SREBF2: variants seen among roughly 807,000 people sequenced by gnomAD.
SREBF2 encodes the protein sterol regulatory element-binding protein 2.
In SREBF2, 55 loss-of-function variants were observed where a neutral mutation model predicts 113.1. That is an observed-to-expected ratio of 0.49 (90% CI 0.39 to 0.61). The LOEUF is 0.61. SREBF2 is among the 20% of genes least tolerant of loss of function. SREBF2 has a pLI of 0.00. For synonymous variants in SREBF2, 593 were observed against 605.7 expected (o/e 0.98, Z 0.31); for missense variants, 1,349 against 1,487.4 (o/e 0.91, Z 1.53).
At chr22:41,890,368 C>T (rs1184044768) in intron 11 of SREBF2, among the ~76,000 whole-genome samples, 1 of 152,250 alleles carries the variant, frequency 6.6e-6, no homozygotes, top group Non-Finnish European at 1.5e-5. Flanking sequence ...TGATGTTGAG[C>T]ATCACTGTTT....
intron 5 of SREBF2, among the ~76,000 whole-genome samples, 185 bp from the exon 6 acceptor site, chr22:41,875,152 A>AG (rs2077183000): frequency 6.6e-6 from 1 of 152,180 alleles, no homozygotes; most frequent in African/African-American, 2.4e-5. Flanking sequence ...TGAGGAGGAA[A>AG]GTGAGGTTCT....
chr22:41,862,169 A>C (rs1602294824), intron 1 of SREBF2, among the ~76,000 whole-genome samples: 1 of 152,200 alleles, frequency 6.6e-6, no homozygotes, highest in Non-Finnish European at 1.5e-5. Flanking sequence ...TCTCAGGTAG[A>C]TGCTGAAGGC....
chr22:41,900,540 A>T, intron 16 of SREBF2, 42 bp downstream of exon 16: 1 of 1,599,446 alleles, frequency 6.3e-7, no homozygotes, highest in Non-Finnish European at 8.5e-7. Flanking sequence ...GGTGCTCTGC[A>T]CTGGTTTACG....
At chr22:41,887,213 C>T (rs1019216722) in intron 11 of SREBF2, among the ~76,000 whole-genome samples, 1 of 151,082 alleles carries the variant, frequency 6.6e-6, no homozygotes, top group Non-Finnish European at 1.5e-5. Flanking sequence ...AGTGAGACTC[C>T]GTCTCAAGAA....
intron 4 of SREBF2, among the ~76,000 whole-genome samples, chr22:41,872,577 A>C (rs1023139046): frequency 2.6e-5 from 4 of 152,210 alleles, no homozygotes; most frequent in Admixed American, 6.5e-5. Flanking sequence ...TTAGATATTG[A>C]GGCCATTATT....
At chr22:41,854,646 A>G (rs973973560) in intron 1 of SREBF2, among the ~76,000 whole-genome samples, 1 of 151,766 alleles carries the variant, frequency 6.6e-6, no homozygotes, top group Non-Finnish European at 1.5e-5. Flanking sequence ...AGGCGGGCAG[A>G]TCACTTGAGG....
intron 17 of SREBF2, chr22:41,904,480 C>A: frequency 2.2e-6 from 1 of 462,298 alleles, no homozygotes; most frequent in South Asian, 1.7e-5. Flanking sequence ...ACCAGCCCAA[C>A]TGTCCCTCCT....
intron 4 of SREBF2, among the ~76,000 whole-genome samples, chr22:41,871,534 C>T (rs532865352): frequency 1.8e-4 from 28 of 152,270 alleles, no homozygotes; most frequent in Non-Finnish European, 2.9e-4. Flanking sequence ...CTCAAATGTC[C>T]ATCCACAGGA....
Position 41,878,045 on chromosome 22 carries a change from G to A in SREBF2, c.1683G>A (p.Glu561=). The change falls in exon 9 of 19, where the codon GAG becomes GAA. Residue 561 remains glutamate (E), a synonymous_variant. Transcript: ENST00000361204. The part of the protein sequence containing the change: ...SVFVKLLVHG[E]PVIRPHSRSS... ...TTGTGAAGCTGCTGGTTCATGGGGAGCCAGTGATCCGGCCACACTCGCGCT... is the reference window on the plus strand; with the variant it reads ...TTGTGAAGCTGCTGGTTCATGGGGAACCAGTGATCCGGCCACACTCGCGCT... 1.3e-5 allele frequency: 21 copies of A among 1,614,198 alleles called. No individual in the cohort carries two copies. The highest frequency in any genetic ancestry group is 1.8e-5 in the Non-Finnish European group (21 of 1,180,050).
intron 11 of SREBF2, among the ~76,000 whole-genome samples, chr22:41,886,853 A>G (rs1260752803): frequency 6.6e-6 from 1 of 152,162 alleles, no homozygotes; most frequent in Non-Finnish European, 1.5e-5. Flanking sequence ...GACCAATATG[A>G]TGAAACCCTG....
chr22:41,857,081 A>AG (rs1326622953), intron 1 of SREBF2, among the ~76,000 whole-genome samples: 2 of 151,856 alleles, frequency 1.3e-5, no homozygotes, highest in East Asian at 1.9e-4. Flanking sequence ...AAAAAAAAAA[A>AG]AGAATTTGAT....
intron 2 of SREBF2, among the ~76,000 whole-genome samples, chr22:41,868,031 C>G (rs1403067831): frequency 6.6e-6 from 1 of 152,108 alleles, no homozygotes; most frequent in East Asian, 1.9e-4. Context: ...CATGCTGGGC[C>G]CTTAGTATGT....
At chr22:41,899,066 GA>G in intron 15 of SREBF2, 1 of 614,992 alleles carries the variant, frequency 1.6e-6, no homozygotes, top group Non-Finnish European at 2.5e-6. Context: ...GCCACAGGCT[GA>G]AAAGAAGAGA....
At chr22:41,854,752 C>G (rs1287625481) in intron 1 of SREBF2, among the ~76,000 whole-genome samples, 1 of 151,644 alleles carries the variant, frequency 6.6e-6, no homozygotes, top group Non-Finnish European at 1.5e-5. Context: ...GCCTGTAATG[C>G]CAGCTACTCA....
intron 10 of SREBF2, among the ~76,000 whole-genome samples, chr22:41,882,396 C>G (rs1042170019): frequency 6.6e-6 from 1 of 152,186 alleles, no homozygotes; most frequent in Admixed American, 6.5e-5. Context: ...GTGAGCTGGA[C>G]ATGCAGGATC....
intron 9 of SREBF2, 35 bp from the exon 10 acceptor site, chr22:41,880,681 G>A (rs745710855): frequency 2.5e-6 from 4 of 1,613,980 alleles, no homozygotes; most frequent in Non-Finnish European, 3.4e-6. Context: ...CCGGAGCAAG[G>A]CCAGTGACCA....
At chr22:41,883,105 A>C (rs997742125) in intron 10 of SREBF2, among the ~76,000 whole-genome samples, 1 of 152,108 alleles carries the variant, frequency 6.6e-6, no homozygotes, top group Non-Finnish European at 1.5e-5. Context: ...CAGATAGAGG[A>C]TGGGGAGTCA....
Position 41,900,311 on chromosome 22 carries a change from C to T in SREBF2, c.2739-19C>T, listed in dbSNP as rs2077454380. On this transcript the variant is annotated intron_variant, in intron 15 of 18. Transcript: ENST00000361204. ...TGACACATAGTGACCTGCCTCTCGA[C>T]TCCCTGTCACTGCTGCAGGAGCCCC... 1.2e-6 allele frequency: 2 copies of T among 1,610,624 alleles called. No homozygotes were observed. The highest frequency in any genetic ancestry group is 1.7e-6 in the Non-Finnish European group (2 of 1,179,980).
At position 41,870,909 on chromosome 22, in the gene SREBF2, C is replaced by A; in HGVS notation, c.741C>A (p.Ile247=). Residue 247 remains isoleucine (I), a synonymous_variant, in exon 4 of 19, where the codon ATC becomes ATA. Coordinates refer to ENST00000361204, the MANE Select transcript of SREBF2 (RefSeq NM_004599.4). Reference sequence around the variant, plus strand: ...TCCAGGTCCTGGTCCAGCCTCAGATCATCAAGACAGATTCCCTTGTTTTGA... The same window carrying A: ...TCCAGGTCCTGGTCCAGCCTCAGATAATCAAGACAGATTCCCTTGTTTTGA... ...QQVPVLVQPQ[I]IKTDSLVLTT... The A allele has an allele frequency of 3.7e-6, 6 of 1,614,198 alleles. No individual in the cohort carries two copies. Among genetic ancestry groups the A allele is most frequent in the Non-Finnish European group, 3.4e-6 (4 of 1,180,040 alleles).
Sources: gnomAD v4.1 joint callset for allele counts (sites outside exome capture counted in the v4.1 genomes callset) on GRCh38, gnomAD v4.1.1 for gene constraint, MANE v1.5 for transcripts, NCBI Gene and HGNC (gene_info 2026-07-23, HGNC 2026-07-21) for gene names.